TSC22D1: variants seen among roughly 807,000 people sequenced by gnomAD.
The protein encoded by TSC22D1 is TSC22 domain family protein 1.
A neutral mutation model predicts 74.2 loss-of-function variants in TSC22D1; 9 were observed. The observed-to-expected ratio is 0.12, with a 90% confidence interval of 0.07 to 0.21. TSC22D1 has a LOEUF of 0.21. Ranked by LOEUF, TSC22D1 falls within the 10% of genes least tolerant of loss-of-function variation. The pLI, the probability that TSC22D1 is intolerant of heterozygous loss-of-function variation, is 1.00. For synonymous variants in TSC22D1, 586 were observed against 492.5 expected (o/e 1.19, Z -2.51); for missense variants, 1,427 against 1,304.7 (o/e 1.09, Z -1.44).
intron 1 of TSC22D1, among the ~76,000 whole-genome samples, chr13:44,545,582 GAAAAA>G (rs199880936): frequency 8.5e-6 from 1 of 116,964 alleles, no homozygotes. Context: ...ATAAGGTACT[GAAAAA>G]AAAAAAAAAA....
intron 1 of TSC22D1, among the ~76,000 whole-genome samples, chr13:44,542,029 T>C (rs1307072360): frequency 1.3e-5 from 2 of 152,150 alleles, no homozygotes; most frequent in South Asian, 2.1e-4. Context: ...ATGAAAATTA[T>C]CTAAGATTTC....
At chr13:44,494,055 A>G (rs918614173) in intron 1 of TSC22D1, among the ~76,000 whole-genome samples, 19 of 152,052 alleles carry the variant, frequency 1.2e-4, no homozygotes, top group African/African-American at 4.6e-4. Context: ...ACACAGCACG[A>G]CATCATCTCT....
intron 1 of TSC22D1, among the ~76,000 whole-genome samples, chr13:44,456,165 G>A (rs551090141): frequency 1.6e-4 from 25 of 152,168 alleles, no homozygotes; most frequent in Admixed American, 4.6e-4. Flanking sequence ...GCTCATAAAG[G>A]TAGTGCAGAC....
At chr13:44,507,363 G>A (rs1301891041) in intron 1 of TSC22D1, among the ~76,000 whole-genome samples, 1 of 152,066 alleles carries the variant, frequency 6.6e-6, no homozygotes, top group Non-Finnish European at 1.5e-5. Context: ...AGATTAGGGA[G>A]GTCTGAGAAG....
At chr13:44,520,009 A>C (rs551745356) in intron 1 of TSC22D1, among the ~76,000 whole-genome samples, 2 of 152,326 alleles carry the variant, frequency 1.3e-5, no homozygotes, top group African/African-American at 4.8e-5. Context: ...TTGAAGGCGA[A>C]GATCATAAAT....
In TSC22D1 at chr13:44,527,844, T is replaced by C. The variant is rs1880624115; in HGVS notation, c.2912+45319A>G. On this transcript the variant is annotated intron_variant, in intron 1 of 2. Coordinates refer to ENST00000458659, the MANE Select transcript of TSC22D1 (RefSeq NM_183422.4). ...TATAAAAACACATAGAGGTTAAAAG[T>C]AAAAGGATAGGGACAGATATGCTAT... is the stretch of plus-strand genomic sequence containing the variant. Among the ~76,000 whole-genome samples, 3 of 152,068 alleles carry C rather than the reference T, an allele frequency of 2.0e-5. No homozygotes were observed. The South Asian group carries it at 6.2e-4, about 32-fold the overall frequency.
Position 44,575,532 on chromosome 13 carries a change from C to T in TSC22D1, c.543G>A (p.Gln181=), listed in dbSNP as rs753262039. 1.9e-6 allele frequency: 3 copies of T among 1,614,066 alleles called. No individual in the cohort carries two copies. In the East Asian group the frequency reaches 6.7e-5, roughly 36 times the overall value. The change falls in exon 1 of 3, where the codon CAG becomes CAA. Residue 181 remains glutamine (Q), a synonymous_variant. Transcript: ENST00000458659. ...SSSEETLNNF[Q]EAETPGAVSP... ...AGACTGCCCCAGGTGTCTCGGCTTCCTGGAAGTTATTTAGGGTCTCTTCTG... is the reference window on the plus strand; with the variant it reads ...AGACTGCCCCAGGTGTCTCGGCTTCTTGGAAGTTATTTAGGGTCTCTTCTG...
At chr13:44,445,327 G>GC (rs1267112522) in intron 1 of TSC22D1, among the ~76,000 whole-genome samples, 1 of 105,170 alleles carries the variant, frequency 9.5e-6, no homozygotes, top group East Asian at 2.9e-4. Context: ...TGGAACAACT[G>GC]CAAAAAAAAA....
chr13:44,518,154 T>G (rs1880143905), intron 1 of TSC22D1, among the ~76,000 whole-genome samples: 1 of 151,358 alleles, frequency 6.6e-6, no homozygotes, highest in African/African-American at 2.4e-5. Context: ...CCCTAGCCCC[T>G]TATTTTCTTT....
chr13:44,433,871 T>A lies in TSC22D1; in HGVS notation c.*755A>T. 1 of 1,059,006 alleles carries A rather than the reference T, an allele frequency of 9.4e-7. No individual in the cohort carries two copies. The highest frequency in any genetic ancestry group is 1.3e-6 in the Non-Finnish European group (1 of 767,078). The allele number at this position is 1,059,006 out of a possible 1,614,324, so 65.6% of individuals were successfully genotyped here. On this transcript the variant is annotated 3_prime_UTR_variant, in exon 3 of 3. Coordinates refer to ENST00000458659, the MANE Select transcript of TSC22D1 (RefSeq NM_183422.4). ...TTTTATGTAGATCTATATATAAAAG[T>A]CCACACCTCCTCAGACAGCCAATGA...
chr13:44,536,901 T>A, intron 1 of TSC22D1: 1 of 544,754 alleles, frequency 1.8e-6, no homozygotes, highest in Non-Finnish European at 2.2e-6. Flanking sequence ...AGAATCACCT[T>A]AACAGTTCAA....
intron 1 of TSC22D1, among the ~76,000 whole-genome samples, chr13:44,444,265 C>A (rs1482983944): frequency 1.5e-5 from 1 of 66,784 alleles, no homozygotes; most frequent in African/African-American, 6.3e-5. Flanking sequence ...GGGAACAGAG[C>A]AAGACTCTGT....
At position 44,433,547 on chromosome 13, in the gene TSC22D1, G is replaced by A. The variant is rs555639242; in HGVS notation, c.*1079C>T. ...TTTATCAACATTTATATGCTTTATTGAAAGTTGACAAGTGCAACAGTTAAA... is the reference window on the plus strand; with the variant it reads ...TTTATCAACATTTATATGCTTTATTAAAAGTTGACAAGTGCAACAGTTAAA... On this transcript the variant is annotated 3_prime_UTR_variant, in exon 3 of 3. Transcript: ENST00000458659. 6.4e-6 allele frequency: 1 copy of A among 155,170 alleles called. No individual in the cohort carries two copies. The highest frequency in any genetic ancestry group is 1.9e-4 in the East Asian group (1 of 5,278). 9.6% of individuals were successfully genotyped at this position (155,170 alleles called of 1,614,324 possible).
At chr13:44,501,260 TC>T (rs1420161447) in intron 1 of TSC22D1, among the ~76,000 whole-genome samples, 3 of 152,136 alleles carry the variant, frequency 2.0e-5, no homozygotes, top group Admixed American at 1.3e-4. Context: ...TGAGGGAAGT[TC>T]AGCATGCATT....
chr13:44,455,908 G>A (rs546650322), intron 1 of TSC22D1, among the ~76,000 whole-genome samples: 5 of 152,198 alleles, frequency 3.3e-5, no homozygotes, highest in Non-Finnish European at 5.9e-5. Context: ...GAAAAAAGAC[G>A]GTAATTCATC....
intron 1 of TSC22D1, chr13:44,436,384 C>A: frequency 2.3e-6 from 3 of 1,305,070 alleles, no homozygotes; most frequent in Non-Finnish European, 3.2e-6. Flanking sequence ...CGAAAAACAA[C>A]ATCCATGTCA....
intron 1 of TSC22D1, among the ~76,000 whole-genome samples, chr13:44,477,590 C>T (rs1242358973): frequency 1.3e-5 from 2 of 151,508 alleles, no homozygotes; most frequent in Non-Finnish European, 2.9e-5. Flanking sequence ...GTGAGCCTTG[C>T]ATGAACCCTT....
In TSC22D1 at chr13:44,509,509, G is replaced by A. The variant is rs563323828; in HGVS notation, c.2912+63654C>T. ...CAAAAAATGAGCCGGACGTGGTGGC[G>A]GGCGCCTGTAGTCCCAGCTACTCAG... is the stretch of plus-strand genomic sequence containing the variant. On this transcript the variant is annotated intron_variant, in intron 1 of 2. Coordinates refer to ENST00000458659, the MANE Select transcript of TSC22D1 (RefSeq NM_183422.4). Among the ~76,000 whole-genome samples the A allele has an allele frequency of 6.6e-5, 10 of 152,222 alleles. No individual in the cohort carries two copies. In the South Asian group the frequency reaches 8.3e-4, roughly 13 times the overall value.
intron 1 of TSC22D1, among the ~76,000 whole-genome samples, chr13:44,559,969 G>C (rs960947982): frequency 6.6e-6 from 1 of 152,096 alleles, no homozygotes; most frequent in Non-Finnish European, 1.5e-5. Context: ...TGGGATTACA[G>C]GTGTGAGCCA....
Sources: gnomAD v4.1 joint callset for allele counts (sites outside exome capture counted in the v4.1 genomes callset) on GRCh38, gnomAD v4.1.1 for gene constraint, MANE v1.5 for transcripts, NCBI Gene and HGNC (gene_info 2026-07-23, HGNC 2026-07-21) for gene names.